The following BMS1 variants were observed in gnomAD, a reference collection of about 807,000 sequenced individuals.
The protein encoded by BMS1 is BMS1 ribosome biogenesis factor.
BMS1 carries 53 observed loss-of-function variants against 138.7 expected under a neutral mutation model. The observed-to-expected ratio is 0.38, with a 90% CI of 0.31 to 0.48. The LOEUF (loss-of-function observed/expected upper bound fraction) is 0.48. BMS1 is among the 20% of genes least tolerant of loss of function. The pLI is 0.97. For synonymous variants in BMS1, 504 were observed against 539.9 expected (o/e 0.93, Z 0.92); for missense variants, 1,360 against 1,565.5 (o/e 0.87, Z 2.22).
intron 13 of BMS1, among the ~76,000 whole-genome samples, chr10:42,814,881 G>T (rs77687379): frequency 8.5e-5 from 13 of 152,100 alleles, no homozygotes; most frequent in African/African-American, 2.9e-4. Context: ...CTTTGATCTG[G>T]GGGGACTGAG....
chr10:42,826,761 C>CT (rs1354530299), intron 21 of BMS1, among the ~76,000 whole-genome samples: 1 of 152,206 alleles, frequency 6.6e-6, no homozygotes, highest in Non-Finnish European at 1.5e-5. Context: ...AGCCAAGACA[C>CT]TGATTCCCTG....
In BMS1 at chr10:42,791,189, G is replaced by A. The variant is rs566707391; in HGVS notation, c.637-438G>A. 5.9e-5 allele frequency among the ~76,000 whole-genome samples: 9 copies of A among 152,326 alleles called. No individual in the cohort carries two copies. The East Asian group carries it at 1.5e-3, about 26-fold the overall frequency. On this transcript the variant is annotated intron_variant, in intron 5 of 22. Transcript: ENST00000374518. The stretch of plus-strand genomic sequence containing the variant: ...TTTCTGGAAGGTTTCCCTCAAAAGA[G>A]TGCTTGTTTGGGGCCTCTTGGTGTA...
rs769076641 is a variant in BMS1, at chr10:42,793,894, T to C, written c.1132T>C (p.Ser378Pro). The change falls in exon 9 of 23, where the codon TCT becomes CCT. Residue 378 changes from serine to proline, a missense_variant. Physicochemically the swap from Ser to Pro is moderately conservative, Grantham distance 74. Transcript: ENST00000374518. ...PTHELVQSLI[S>P]THSTIDAKMA... Reference sequence around the variant, plus strand: ...CCATGAGCTGGTCCAGAGTCTCATCTCTACCCACTCCACCATTGATGCCAA... The same window carrying C: ...CCATGAGCTGGTCCAGAGTCTCATCCCTACCCACTCCACCATTGATGCCAA... The C allele has an allele frequency of 8.7e-6, 14 of 1,611,878 alleles. No homozygotes were observed. The highest frequency in any genetic ancestry group is 2.7e-5 in the African/African-American group (2 of 74,866).
At chr10:42,794,201 A>G (rs1841602311) in intron 9 of BMS1, among the ~76,000 whole-genome samples, 1 of 152,120 alleles carries the variant, frequency 6.6e-6, no homozygotes, top group Non-Finnish European at 1.5e-5. Flanking sequence ...GCATTTTTCA[A>G]CAGACCCCAA....
At position 42,820,648 on chromosome 10, in the gene BMS1, G is replaced by A. The variant is rs1842479896; in HGVS notation, c.2910G>A (p.Lys970=). The A allele has an allele frequency of 6.2e-7, 1 of 1,611,958 alleles. No individual in the cohort carries two copies. The highest frequency in any genetic ancestry group is 1.7e-5 in the Admixed American group (1 of 60,008). The part of the protein sequence containing the change: ...EDHNGRQRLL[K]YTPQHMHCGA... ...ACAATGGAAGACAAAGGCTTCTAAA[G>A]TATACCCCACAGCACATGCATTGCG... The change falls in exon 17 of 23, where the codon AAG becomes AAA. Residue 970 remains lysine (K), a synonymous_variant. Transcript: ENST00000374518.
chr10:42,823,065 G>C (rs1485451924), intron 19 of BMS1, 53 bp from the exon 20 acceptor site: 2 of 1,376,388 alleles, frequency 1.5e-6, no homozygotes, highest in East Asian at 5.4e-5. Flanking sequence ...AAGAAGTAAA[G>C]CATAAAGTAT....
chr10:42,800,229 C>G (rs192748999), intron 12 of BMS1, among the ~76,000 whole-genome samples: 1 of 152,306 alleles, frequency 6.6e-6, no homozygotes, highest in East Asian at 1.9e-4. Context: ...GACAAAACAT[C>G]TAGCAGTTGG....
rs565768556 is a variant in BMS1, at chr10:42,786,779, T to G, written c.368-389T>G. Among the ~76,000 whole-genome samples, 29 of 152,292 alleles carry G rather than the reference T, an allele frequency of 1.9e-4. No individual in the cohort carries two copies. The South Asian group carries it at 5.8e-3, about 31-fold the overall frequency. ...CTTAATTTAGAAGTAATTATTGTTA[T>G]GAATATTCTGTTGCATTATGTTTGA... On this transcript the variant is annotated intron_variant, in intron 3 of 22. Transcript: ENST00000374518.
At chr10:42,816,896 C>T (rs186193414) in intron 14 of BMS1, among the ~76,000 whole-genome samples, 93 of 152,278 alleles carry the variant, frequency 6.1e-4, no homozygotes, top group African/African-American at 2.1e-3. Context: ...TTGCCAAGTC[C>T]ACTGTGATTT....
chr10:42,793,211 CA>C (rs1841570342), intron 8 of BMS1, 67 bp downstream of exon 8: 9 of 1,464,914 alleles, frequency 6.1e-6, no homozygotes, highest in Non-Finnish European at 8.2e-6. Flanking sequence ...TTTTTAATCA[CA>C]AAAAGTAATG....
intron 21 of BMS1, among the ~76,000 whole-genome samples, chr10:42,828,087 G>A (rs913556501): frequency 1.3e-5 from 2 of 152,150 alleles, no homozygotes; most frequent in African/African-American, 4.8e-5. Flanking sequence ...CAGCTGCCAC[G>A]CCCTGGACCA....
At chr10:42,826,532 G>A (rs1447464473) in intron 21 of BMS1, among the ~76,000 whole-genome samples, 1 of 152,150 alleles carries the variant, frequency 6.6e-6, no homozygotes, top group Non-Finnish European at 1.5e-5. Context: ...TGTGGCTTGG[G>A]CCCTCGGGGG....
At chr10:42,791,265 T>G (rs1055632232) in intron 5 of BMS1, among the ~76,000 whole-genome samples, 2 of 152,210 alleles carry the variant, frequency 1.3e-5, no homozygotes, top group African/African-American at 4.8e-5. Context: ...TCTGGCTGTT[T>G]TGGGGTCAGG....
rs566921217 is a variant in BMS1, at chr10:42,789,982, G to A, written c.448-341G>A. ...ATATCCTAGTGGACATTGTCTTATG[G>A]GTTGGCTTTTAGAGCAAGTCAGAGG... On this transcript the variant is annotated intron_variant, in intron 4 of 22. Transcript: ENST00000374518. Among the ~76,000 whole-genome samples, 3 of 152,110 alleles carry A rather than the reference G, an allele frequency of 2.0e-5. No homozygotes were observed. In the East Asian group the frequency reaches 5.8e-4, roughly 29 times the overall value.
At chr10:42,828,390 T>G (rs1842714344) in intron 21 of BMS1, among the ~76,000 whole-genome samples, 1 of 152,190 alleles carries the variant, frequency 6.6e-6, no homozygotes, top group African/African-American at 2.4e-5. Context: ...CCCACGGCCC[T>G]TAACACTAAG....
At chr10:42,793,796 G>A (rs547366273) in intron 8 of BMS1, 56 bp from the exon 9 acceptor site, 33 of 1,552,112 alleles carry the variant, frequency 2.1e-5, no homozygotes, top group African/African-American at 1.7e-4. Context: ...TGAAGCTCGT[G>A]TCTCTCCAGG....
Position 42,796,577 on chromosome 10 carries a change from G to A in BMS1, c.1333G>A (p.Glu445Lys), listed in dbSNP as rs1175764317. 1 of 1,614,198 alleles carries A rather than the reference G, an allele frequency of 6.2e-7. No homozygotes were observed. The highest frequency in any genetic ancestry group is 2.2e-5 in the East Asian group (1 of 44,880). Residue 445 changes from glutamate to lysine, a missense_variant, in exon 10 of 23, where the codon GAA becomes AAA. Glu to Lys is a moderately conservative substitution (Grantham distance 56). Coordinates refer to ENST00000374518, the MANE Select transcript of BMS1 (RefSeq NM_014753.4). The stretch of plus-strand genomic sequence containing the variant: ...AGATGAATCTGGAGATAGTGATGAT[G>A]AAGAAGATGATGAAATGTCTGAAGA... The part of the protein sequence containing the change: ...DEDESGDSDD[E>K]EDDEMSEDDG...
chr10:42,814,472 C>G (rs1215123164), intron 13 of BMS1, among the ~76,000 whole-genome samples: 2 of 152,004 alleles, frequency 1.3e-5, no homozygotes, highest in Non-Finnish European at 2.9e-5. Flanking sequence ...TCTTTGCTGA[C>G]GTTTTCAGTT....
Position 42,832,059 on chromosome 10 carries a change from T to G in BMS1, c.*963T>G, listed in dbSNP as rs1564436684. On this transcript the variant is annotated 3_prime_UTR_variant, in exon 23 of 23. Transcript: ENST00000374518. ...GGATGTTGACATCAATACAGCCCGC[T>G]GATTTTATTCACATTTCCCCAGCTT... 1.3e-5 allele frequency: 2 copies of G among 152,306 alleles called. No homozygotes were observed. The highest frequency in any genetic ancestry group is 4.1e-4 in the South Asian group (2 of 4,826). The allele number at this position is 152,306 out of a possible 1,614,324, so 9.4% of individuals were successfully genotyped here. A position where few individuals can be genotyped will look rare whatever the true frequency, so the allele number is the denominator to read the frequency against.
Sources: allele counts gnomAD v4.1 joint callset (sites outside exome capture counted in the v4.1 genomes callset), GRCh38; gene constraint gnomAD v4.1.1; transcripts MANE v1.5; gene names NCBI Gene and HGNC (gene_info 2026-07-23, HGNC 2026-07-21).